TMPRSS15: variants seen among roughly 807,000 people sequenced by gnomAD.
TMPRSS15 encodes the protein enteropeptidase.
In TMPRSS15, 128 loss-of-function variants were observed where a neutral mutation model predicts 125.3. The observed-to-expected ratio is 1.02, with a 90% CI of 0.89 to 1.18. The LOEUF (loss-of-function observed/expected upper bound fraction) is 1.18. Ranked by LOEUF, TMPRSS15 falls within the 50% of genes most tolerant of loss-of-function variation. TMPRSS15 has a pLI of 0.00. For missense variants in TMPRSS15, 1,283 were observed against 1,212.7 expected (o/e 1.06, Z -0.86); for synonymous variants, 446 against 423.2 (o/e 1.05, Z -0.66).
In TMPRSS15 at chr21:18,380,205, A is replaced by T. The variant is rs1262826598; in HGVS notation, c.497-887T>A. Among the ~76,000 whole-genome samples, 5 of 148,790 alleles carry T rather than the reference A, an allele frequency of 3.4e-5. No individual in the cohort carries two copies. The East Asian group carries it at 9.9e-4, about 29-fold the overall frequency. ...CACACACACACACACACACACACAC[A>T]CTCATATATCTCTCATATGTAACAC... On this transcript the variant is annotated intron_variant, in intron 4 of 24. Coordinates refer to ENST00000284885, the MANE Select transcript of TMPRSS15 (RefSeq NM_002772.3).
intron 10 of TMPRSS15, among the ~76,000 whole-genome samples, chr21:18,346,593 A>G (rs1055186171): frequency 5.3e-5 from 8 of 152,198 alleles, no homozygotes; most frequent in Admixed American, 4.6e-4. Flanking sequence ...GAAGCCGTCA[A>G]TTAGCTGTAC....
chr21:18,406,643 C>T (rs1014142952), upstream of TMPRSS15, among the ~76,000 whole-genome samples: 7 of 152,036 alleles, frequency 4.6e-5, no homozygotes, highest in African/African-American at 7.2e-5. Flanking sequence ...GACATATAAG[C>T]AAAAATTAAA....
At chr21:18,381,336 A>C (rs2075890923) in intron 4 of TMPRSS15, among the ~76,000 whole-genome samples, 1 of 152,134 alleles carries the variant, frequency 6.6e-6, no homozygotes. Flanking sequence ...AGATAAAATA[A>C]AATTTATGTG....
At chr21:18,464,172 C>CAAA (rs1163284712) in intron 1 of TMPRSS15, among the ~76,000 whole-genome samples, 17 of 37,122 alleles carry the variant, frequency 4.6e-4, no homozygotes, top group East Asian at 1.1e-3. Context: ...GACTCCGTCT[C>CAAA]AAAAAAAAAA....
chr21:18,269,822 C>T lies in TMPRSS15; in HGVS notation c.*147G>A. 2.2e-6 allele frequency: 2 copies of T among 924,588 alleles called. No homozygotes were observed. Among genetic ancestry groups the T allele is most frequent in the Non-Finnish European group, 3.2e-6 (2 of 617,416 alleles). The allele number at this position is 924,588 out of a possible 1,614,324, so 57.3% of individuals were successfully genotyped here. ...TTTATTATTTTTAAAATTTTGTTTCCCTGGCCCCCTAGCATTTCATTGACA... is the reference window on the plus strand; with the variant it reads ...TTTATTATTTTTAAAATTTTGTTTCTCTGGCCCCCTAGCATTTCATTGACA... On this transcript the variant is annotated 3_prime_UTR_variant, in exon 25 of 25. Transcript: ENST00000284885.
chr21:18,419,089 C>G (rs1979059238), intron 1 of TMPRSS15, among the ~76,000 whole-genome samples: 1 of 152,168 alleles, frequency 6.6e-6, no homozygotes, highest in Admixed American at 6.5e-5. Flanking sequence ...CCAGTTTTAT[C>G]TAATAGTTGC....
At position 18,279,311 on chromosome 21, in the gene TMPRSS15, C is replaced by CTTTTTTTTTT. The variant is rs71189593; in HGVS notation, c.2669-262_2669-253dup. Among the ~76,000 whole-genome samples, 41 of 41,126 alleles carry CTTTTTTTTTT rather than the reference C, an allele frequency of 1.0e-3. 7 individuals carry two copies. Among genetic ancestry groups the CTTTTTTTTTT allele is most frequent in the Admixed American group, 1.8e-3 (4 of 2,246 alleles). 27.0% of individuals were successfully genotyped at this position (41,126 alleles called of 152,430 possible). On this transcript the variant is annotated intron_variant, in intron 22 of 24. Coordinates refer to ENST00000284885, the MANE Select transcript of TMPRSS15 (RefSeq NM_002772.3). ...GTCTTTTACTAGTCTCCTCGTTACT[C>CTTTTTTTTTT]TTTTTTTTTTTTTTTTTTTTTTTTT...
At chr21:18,455,325 G>A (rs955541997) in intron 1 of TMPRSS15, among the ~76,000 whole-genome samples, 1 of 152,118 alleles carries the variant, frequency 6.6e-6, no homozygotes, top group Non-Finnish European at 1.5e-5. Context: ...GGGCATAGGA[G>A]ATAGACAAAT....
intron 10 of TMPRSS15, among the ~76,000 whole-genome samples, chr21:18,351,442 A>G (rs1233447764): frequency 6.6e-6 from 1 of 152,162 alleles, no homozygotes; most frequent in African/African-American, 2.4e-5. Flanking sequence ...TGCTGAGGGC[A>G]GGACCTGGTG....
At chr21:18,297,617 A>G in intron 19 of TMPRSS15, 117 bp downstream of exon 19, 1 of 740,924 alleles carries the variant, frequency 1.3e-6, no homozygotes, top group Non-Finnish European at 2.4e-6. Flanking sequence ...TATAAGTCAA[A>G]TAACTTTCAA....
intron 5 of TMPRSS15, among the ~76,000 whole-genome samples, chr21:18,376,197 C>A (rs1225296116): frequency 6.9e-5 from 3 of 43,764 alleles, no homozygotes; most frequent in Non-Finnish European, 1.3e-4. Context: ...TAGAACAAAT[C>A]TAGTTTTTTT....
intron 8 of TMPRSS15, 61 bp from the exon 9 acceptor site, chr21:18,353,924 T>C (rs2075599061): frequency 6.8e-7 from 1 of 1,472,820 alleles, no homozygotes; most frequent in African/African-American, 1.4e-5. Context: ...TCTCTATCCA[T>C]CCATCAGTCC....
intron 13 of TMPRSS15, among the ~76,000 whole-genome samples, chr21:18,337,765 G>T (rs1234282849): frequency 1.3e-5 from 2 of 152,110 alleles, no homozygotes; most frequent in African/African-American, 4.8e-5. Flanking sequence ...TAGCCAGTCA[G>T]CCATGGTTTC....
intron 16 of TMPRSS15, among the ~76,000 whole-genome samples, chr21:18,316,494 G>A (rs2075168385): frequency 6.7e-6 from 1 of 148,748 alleles, no homozygotes. Flanking sequence ...GGCAGGAAAG[G>A]GTAGTTACAA....
intron 8 of TMPRSS15, among the ~76,000 whole-genome samples, chr21:18,354,568 C>T (rs905037993): frequency 1.4e-4 from 21 of 151,302 alleles, no homozygotes; most frequent in Non-Finnish European, 2.1e-4. Flanking sequence ...GGTGGTCTTG[C>T]CTTTAGCGGA....
At chr21:18,302,566 T>C (rs1428874084) in intron 18 of TMPRSS15, among the ~76,000 whole-genome samples, 3 of 152,200 alleles carry the variant, frequency 2.0e-5, no homozygotes, top group Non-Finnish European at 4.4e-5. Flanking sequence ...CTTCCACCCT[T>C]AGGAGTTGAT....
At chr21:18,463,172 C>A (rs2122953666) in intron 1 of TMPRSS15, among the ~76,000 whole-genome samples, 4 of 140,982 alleles carry the variant, frequency 2.8e-5, no homozygotes, top group African/African-American at 1.1e-4. Context: ...ATTCAGGAGA[C>A]CCATTTCACG....
chr21:18,345,735 C>T (rs1224891146), intron 10 of TMPRSS15, among the ~76,000 whole-genome samples: 2 of 2,156 alleles, frequency 9.3e-4, no homozygotes, highest in African/African-American at 9.7e-4. Context: ...AGTGAGACTC[C>T]GTCTCAAAAA....
intron 18 of TMPRSS15, among the ~76,000 whole-genome samples, chr21:18,312,429 G>A (rs1353256371): frequency 1.3e-5 from 2 of 150,804 alleles, no homozygotes; most frequent in Non-Finnish European, 3.0e-5. Flanking sequence ...AAAATTTATA[G>A]AAATACTGTA....
Sources: gnomAD v4.1 joint callset for allele counts (sites outside exome capture counted in the v4.1 genomes callset) on GRCh38, gnomAD v4.1.1 for gene constraint, MANE v1.5 for transcripts, NCBI Gene and HGNC (gene_info 2026-07-23, HGNC 2026-07-21) for gene names.